Variants in NOSTRIN observed in about 807,000 individuals in gnomAD.
NOSTRIN encodes BM247 homolog.
A neutral mutation model predicts 59.0 loss-of-function variants in NOSTRIN; 63 were observed. The ratio of observed to expected loss-of-function variants is 1.07; its 90% CI spans 0.87 to 1.32. NOSTRIN has a LOEUF of 1.32. Ranked by LOEUF, NOSTRIN falls within the 40% of genes most tolerant of loss-of-function variation. The pLI is 0.00. For missense variants in NOSTRIN, 512 were observed against 473.1 expected (o/e 1.08, Z -0.76); for synonymous variants, 200 against 165.4 (o/e 1.21, Z -1.61).
chr2:168,808,719 G>A (rs1685991286), intron 1 of NOSTRIN, among the ~76,000 whole-genome samples: 1 of 152,068 alleles, frequency 6.6e-6, no homozygotes, highest in South Asian at 2.1e-4. Context: ...TTGAACAAAT[G>A]CAAAAACTTA....
upstream of NOSTRIN, among the ~76,000 whole-genome samples, chr2:168,798,832 C>T (rs909208958): frequency 1.3e-4 from 19 of 142,704 alleles, no homozygotes; most frequent in Admixed American, 1.1e-3. Flanking sequence ...GATAGACAGA[C>T]AGACAGACAG....
intron 3 of NOSTRIN, among the ~76,000 whole-genome samples, chr2:168,825,569 T>C (rs1236616405): frequency 6.6e-6 from 1 of 152,214 alleles, no homozygotes; most frequent in East Asian, 1.9e-4. Context: ...TTAAATGAGA[T>C]CATGTGTGTG....
At chr2:168,786,912 A>G (rs1003577813) in intron 1 of NOSTRIN, 2 of 152,090 alleles carry the variant, frequency 1.3e-5, no homozygotes, top group African/African-American at 4.8e-5. Flanking sequence ...TATTTTTAGT[A>G]GAGACGGGGT....
At chr2:168,860,962 T>G (rs574780369) in intron 14 of NOSTRIN, 53 bp downstream of exon 14, 1 of 1,151,024 alleles carries the variant, frequency 8.7e-7, no homozygotes, top group African/African-American at 1.5e-5. Flanking sequence ...CAGGGCACAT[T>G]GCTACATTTA....
intron 7 of NOSTRIN, among the ~76,000 whole-genome samples, chr2:168,838,095 G>A (rs1687847976): frequency 1.3e-5 from 2 of 152,190 alleles, no homozygotes; most frequent in Admixed American, 6.5e-5. Context: ...TTCAACTACA[G>A]TATCTATGCT....
Position 168,850,766 on chromosome 2 carries a change from TCTCTGGAATC to T in NOSTRIN, c.631-316_631-307del, listed in dbSNP as rs1688712689. 5.2e-6 allele frequency: 3 copies of T among 578,664 alleles called. No individual in the cohort carries two copies. The South Asian group carries it at 5.8e-5, about 11-fold the overall frequency. 35.8% of individuals were successfully genotyped at this position (578,664 alleles called of 1,614,324 possible). A position where few individuals can be genotyped will look rare whatever the true frequency, so the allele number is the denominator to read the frequency against. On this transcript the variant is annotated intron_variant, in intron 8 of 15. Transcript: ENST00000317647. ...CATCTCTACTGAAATTCTCTGGAAT[TCTCTGGAATC>T]CATGATTGTGTCTCAAATGCTTCCT... is the stretch of plus-strand genomic sequence containing the variant.
At chr2:168,807,848 C>G (rs924490211) in intron 1 of NOSTRIN, among the ~76,000 whole-genome samples, 1 of 152,202 alleles carries the variant, frequency 6.6e-6, no homozygotes, top group Non-Finnish European at 1.5e-5. Context: ...TTAGAAAGTA[C>G]TGGTCTATGA....
At chr2:168,839,884 CAAAA>C (rs58341006) in intron 7 of NOSTRIN, among the ~76,000 whole-genome samples, 12 of 31,158 alleles carry the variant, frequency 3.9e-4, no homozygotes, top group African/African-American at 1.1e-3. Flanking sequence ...GACTCCGTCT[CAAAA>C]AAAAAAAAAA....
At chr2:168,816,296 C>T (rs1052699661) in intron 2 of NOSTRIN, among the ~76,000 whole-genome samples, 7 of 152,144 alleles carry the variant, frequency 4.6e-5, no homozygotes, top group African/African-American at 1.7e-4. Flanking sequence ...TAGCCATGAC[C>T]CTGTTTAAGA....
At chr2:168,836,968 G>A (rs1051523087) in intron 7 of NOSTRIN, among the ~76,000 whole-genome samples, 3 of 152,178 alleles carry the variant, frequency 2.0e-5, no homozygotes, top group African/African-American at 4.8e-5. Context: ...CAGACATTCT[G>A]GAAGTGTGGG....
In NOSTRIN at chr2:168,862,067, A is replaced by T. The variant is rs1689493143; in HGVS notation, c.1384+18A>T. 1 of 1,604,282 alleles carries T rather than the reference A, an allele frequency of 6.2e-7. No homozygotes were observed. The highest frequency in any genetic ancestry group is 1.1e-5 in the South Asian group (1 of 90,866). On this transcript the variant is annotated intron_variant, in intron 15 of 15. Coordinates refer to ENST00000317647, the MANE Select transcript of NOSTRIN (RefSeq NM_001039724.4). ...GGAAAAGGGTAAGAATCATTCTCAA[A>T]TATTTTAATTGCCTTCCCATATTGA...
chr2:168,854,124 C>A (rs768306615), intron 10 of NOSTRIN, among the ~76,000 whole-genome samples: 1 of 152,242 alleles, frequency 6.6e-6, no homozygotes, highest in Non-Finnish European at 1.5e-5. Context: ...CCACCTTGGC[C>A]TCCCAAAGTG....
chr2:168,845,857 G>C (rs1688389031), intron 8 of NOSTRIN, among the ~76,000 whole-genome samples: 1 of 143,964 alleles, frequency 6.9e-6, no homozygotes, highest in Non-Finnish European at 1.5e-5. Flanking sequence ...TGTCCTTGAG[G>C]AAGAGCATTT....
chr2:168,840,192 C>G (rs138073658), intron 7 of NOSTRIN, among the ~76,000 whole-genome samples: 2 of 152,034 alleles, frequency 1.3e-5, no homozygotes, highest in East Asian at 3.9e-4. Flanking sequence ...TGTTCACAAG[C>G]TTGAGTTTCT....
At chr2:168,834,507 G>GCGCGCGCACACACACC (rs756381301) in intron 7 of NOSTRIN, among the ~76,000 whole-genome samples, 182 bp downstream of exon 7, 1 of 125,342 alleles carries the variant, frequency 8.0e-6, no homozygotes, top group Non-Finnish European at 1.7e-5. Flanking sequence ...GCGCGCGCGC[G>GCGCGCGCACACACACC]CACACACACA....
chr2:168,795,202 G>A (rs1336066841), upstream of NOSTRIN, among the ~76,000 whole-genome samples: 1 of 149,912 alleles, frequency 6.7e-6, no homozygotes, highest in Non-Finnish European at 1.5e-5. Context: ...ATTTACATAT[G>A]CAGAAATGCC....
chr2:168,810,310 A>G (rs1031085951), intron 1 of NOSTRIN, among the ~76,000 whole-genome samples: 2 of 152,252 alleles, frequency 1.3e-5, no homozygotes, highest in Admixed American at 1.3e-4. Context: ...GCATAAGGGT[A>G]AATGGATATG....
At chr2:168,829,069 A>G (rs1687216663) in intron 5 of NOSTRIN, among the ~76,000 whole-genome samples, 1 of 152,190 alleles carries the variant, frequency 6.6e-6, no homozygotes, top group South Asian at 2.1e-4. Context: ...TGATAAGCAC[A>G]ATTTTTACAA....
chr2:168,792,416 T>G (rs1379488719), intron 2 of NOSTRIN, among the ~76,000 whole-genome samples: 1 of 152,114 alleles, frequency 6.6e-6, no homozygotes, highest in Non-Finnish European at 1.5e-5. Context: ...GTTTTATTTT[T>G]TAGTGTTTTG....
Sources: gnomAD v4.1 joint callset for allele counts (sites outside exome capture counted in the v4.1 genomes callset) on GRCh38, gnomAD v4.1.1 for gene constraint, MANE v1.5 for transcripts, NCBI Gene and HGNC (gene_info 2026-07-23, HGNC 2026-07-21) for gene names.